The following POLH variants were observed in gnomAD, a reference collection of about 807,000 sequenced individuals.
POLH encodes DNA polymerase eta transcript.
POLH carries 53 observed loss-of-function variants against 73.6 expected under a neutral mutation model. The observed-to-expected ratio is 0.72, with a 90% CI of 0.58 to 0.91. POLH has a LOEUF of 0.91. POLH is among the 40% of genes least tolerant of loss of function. The pLI is 0.00. For missense variants in POLH, 768 were observed against 865.4 expected (o/e 0.89, Z 1.41); for synonymous variants, 292 against 308.5 (o/e 0.95, Z 0.56).
In POLH at chr6:43,615,970, C is replaced by T. The variant is rs1245857747; in HGVS notation, c.*1413C>T. The stretch of plus-strand genomic sequence containing the variant: ...TACAGATGTTAGCCACCGATCCTGG[C>T]CCCCCCAAAAAAAGGATTTTAAGAA... On this transcript the variant is annotated 3_prime_UTR_variant, in exon 11 of 11. Coordinates refer to ENST00000372236, the MANE Select transcript of POLH (RefSeq NM_006502.3). Among the ~76,000 whole-genome samples, 5 of 151,916 alleles carry T rather than the reference C, an allele frequency of 3.3e-5. No individual in the cohort carries two copies. Among genetic ancestry groups the T allele is most frequent in the African/African-American group, 9.6e-5 (4 of 41,510 alleles).
rs1768384926 is a variant in POLH, at chr6:43,616,895, C to T, written c.*2338C>T. Among the ~76,000 whole-genome samples the T allele has an allele frequency of 6.6e-6, 1 of 152,146 alleles. No individual in the cohort carries two copies. Among genetic ancestry groups the T allele is most frequent in the Non-Finnish European group, 1.5e-5 (1 of 68,028 alleles). On this transcript the variant is annotated 3_prime_UTR_variant, in exon 11 of 11. Transcript: ENST00000372236. ...GGAACTCTGTTTAGATCTGATAAGTCATAATCAAATCTTGCCAGGCGTGGT... is the reference window on the plus strand; with the variant it reads ...GGAACTCTGTTTAGATCTGATAAGTTATAATCAAATCTTGCCAGGCGTGGT...
chr6:43,610,762 T>C (rs1049454620), intron 10 of POLH, 39 bp downstream of exon 10: 7 of 1,521,950 alleles, frequency 4.6e-6, no homozygotes, highest in Non-Finnish European at 5.5e-6. Flanking sequence ...GAATAGATGA[T>C]GATTCTTAGC....
intron 5 of POLH, among the ~76,000 whole-genome samples, chr6:43,598,634 C>CAA (rs1044403826): frequency 2.0e-5 from 2 of 102,030 alleles, no homozygotes; most frequent in African/African-American, 3.7e-5. Context: ...GACTCCGTCT[C>CAA]AAAAAAAAAA....
intron 1 of POLH, among the ~76,000 whole-genome samples, chr6:43,577,216 T>C (rs912306682): frequency 5.9e-5 from 9 of 152,188 alleles, no homozygotes; most frequent in Admixed American, 1.3e-4. Context: ...CTCCAGTAAA[T>C]ACATAAACGG....
chr6:43,600,882 G>A (rs1473093561), intron 5 of POLH, 106 bp from the exon 6 acceptor site: 1 of 796,612 alleles, frequency 1.3e-6, no homozygotes, highest in East Asian at 2.4e-5. Context: ...GAAACCATTA[G>A]TTACAGCTAT....
At chr6:43,580,903 A>C (rs1256374416) in intron 1 of POLH, among the ~76,000 whole-genome samples, 2 of 135,648 alleles carry the variant, frequency 1.5e-5, no homozygotes, top group African/African-American at 5.5e-5. Context: ...TGACCCCCCC[A>C]CCTCCCTCCC....
In POLH at chr6:43,601,076, T is replaced by C. The variant is rs1488667677; in HGVS notation, c.749T>C (p.Met250Thr). 6.2e-7 allele frequency: 1 copy of C among 1,612,300 alleles called. No homozygotes were observed. The highest frequency in any genetic ancestry group is 1.1e-5 in the South Asian group (1 of 91,056). The change falls in exon 6 of 11, where the codon ATG (methionine) becomes ACG (threonine). Residue 250 changes from methionine to threonine, a missense_variant. Met to Thr is a moderately conservative substitution (Grantham distance 81, BLOSUM62 -1). Transcript: ENST00000372236. ...TCAGTCCCACAGCTCTTCAGCCAAATGCCCATTCGCAAAATGTAAGTATTC... is the reference window on the plus strand; with the variant it reads ...TCAGTCCCACAGCTCTTCAGCCAAACGCCCATTCGCAAAATGTAAGTATTC... The part of the protein sequence containing the change: ...HGSVPQLFSQ[M>T]PIRKIRSLGG...
At chr6:43,585,697 G>T (rs1230800299) in intron 3 of POLH, among the ~76,000 whole-genome samples, 1 of 148,642 alleles carries the variant, frequency 6.7e-6, no homozygotes, top group Non-Finnish European at 1.5e-5. Flanking sequence ...CCAGGCTAGG[G>T]TGCAATGGTG....
chr6:43,595,083 C>A (rs945898653), intron 4 of POLH, among the ~76,000 whole-genome samples: 8 of 152,056 alleles, frequency 5.3e-5, no homozygotes, highest in Admixed American at 1.3e-4. Flanking sequence ...GTAGTCCTAG[C>A]TACTTGGGAG....
At chr6:43,583,510 G>A (rs998508212) in intron 3 of POLH, among the ~76,000 whole-genome samples, 1 of 152,164 alleles carries the variant, frequency 6.6e-6, no homozygotes, top group African/African-American at 2.4e-5. Context: ...AACTGACATT[G>A]TAGTACAATA....
intron 9 of POLH, 128 bp downstream of exon 9, chr6:43,605,447 T>A: frequency 9.5e-6 from 4 of 422,400 alleles, no homozygotes; most frequent in Non-Finnish European, 1.7e-5. Context: ...TTCTTTCTTT[T>A]TTTTTTTTTT....
intron 10 of POLH, among the ~76,000 whole-genome samples, 179 bp from the exon 11 acceptor site, chr6:43,613,481 A>G (rs538917531): frequency 1.3e-5 from 2 of 152,216 alleles, no homozygotes; most frequent in Non-Finnish European, 2.9e-5. Flanking sequence ...ATACACATTA[A>G]CGTTTGAGAA....
chr6:43,610,667 C>CAT lies in POLH; in HGVS notation c.1188_1189insAT (p.His397IlefsTer49). The CAT allele has an allele frequency of 6.2e-7, 1 of 1,613,524 alleles. No homozygotes were observed. Among genetic ancestry groups the CAT allele is most frequent in the Non-Finnish European group, 8.5e-7 (1 of 1,179,792 alleles). On this transcript the variant is annotated frameshift_variant, in exon 10 of 11. Coordinates refer to ENST00000372236, the MANE Select transcript of POLH (RefSeq NM_006502.3). LOFTEE classifies it high-confidence loss of function. ...CCCGCTATGATGCTCACAAGATGAGCCATGATGCATTTACTGTCATCAAGA... is the reference window on the plus strand; with the variant it reads ...CCCGCTATGATGCTCACAAGATGAGCATCATGATGCATTTACTGTCATCAAGA...
chr6:43,612,454 C>T (rs1767993357), intron 10 of POLH, among the ~76,000 whole-genome samples: 1 of 150,676 alleles, frequency 6.6e-6, no homozygotes, highest in Admixed American at 6.6e-5. Context: ...TCAAGCGATT[C>T]TCCTGCCTCA....
At position 43,618,964 on chromosome 6, in the gene POLH, G is replaced by A. The variant is rs1169417843; in HGVS notation, c.*4407G>A. 1.3e-5 allele frequency among the ~76,000 whole-genome samples: 2 copies of A among 151,386 alleles called. No homozygotes were observed. The highest frequency in any genetic ancestry group is 2.4e-5 in the African/African-American group (1 of 41,112). On this transcript the variant is annotated 3_prime_UTR_variant, in exon 11 of 11. Transcript: ENST00000372236. Reference sequence around the variant, plus strand: ...ACTTTTTATTTTATTTATAAATTGGGGGGGGGGTTCTATATTTAGTTTGAA... The same window carrying A: ...ACTTTTTATTTTATTTATAAATTGGAGGGGGGGTTCTATATTTAGTTTGAA...
intron 4 of POLH, among the ~76,000 whole-genome samples, chr6:43,591,942 TAACTC>T (rs1244770142): frequency 1.3e-5 from 2 of 152,238 alleles, no homozygotes; most frequent in East Asian, 3.8e-4. Flanking sequence ...AGTTGAATGT[TAACTC>T]AGATGGACGT....
chr6:43,610,331 C>T (rs573977445), intron 9 of POLH, among the ~76,000 whole-genome samples: 53 of 152,216 alleles, frequency 3.5e-4, no homozygotes, highest in Non-Finnish European at 5.3e-4. Flanking sequence ...TCCCAAGGTG[C>T]TGGGATTACA....
chr6:43,590,716 A>G (rs1391312244), intron 4 of POLH, among the ~76,000 whole-genome samples: 1 of 152,146 alleles, frequency 6.6e-6, no homozygotes, highest in Non-Finnish European at 1.5e-5. Context: ...TGAGGTCAGG[A>G]GTTCAAGACC....
At chr6:43,582,512 C>A in intron 2 of POLH, 56 bp downstream of exon 2, 1 of 1,560,834 alleles carries the variant, frequency 6.4e-7, no homozygotes, top group Non-Finnish European at 8.8e-7. Context: ...GGCACTGTGG[C>A]AGGTCCTTTG....
Sources: allele counts gnomAD v4.1 joint callset (sites outside exome capture counted in the v4.1 genomes callset), GRCh38; gene constraint gnomAD v4.1.1; transcripts MANE v1.5; gene names NCBI Gene and HGNC (gene_info 2026-07-23, HGNC 2026-07-21).